The following ZBTB44 variants were observed in gnomAD, a reference collection of about 807,000 sequenced individuals.
ZBTB44 encodes the protein zinc finger and BTB domain containing 44, also known as zinc finger and BTB domain-containing protein 44.
In ZBTB44, 15 loss-of-function variants were observed where a neutral mutation model predicts 54.0. That is an observed-to-expected ratio of 0.28 (90% CI 0.19 to 0.43). ZBTB44 has a LOEUF of 0.43. Among genes scored for constraint, ZBTB44 ranks in the 20% least tolerant of loss-of-function variants. ZBTB44 has a pLI of 1.00. For synonymous variants in ZBTB44, 230 were observed against 250.1 expected (o/e 0.92, Z 0.76); for missense variants, 487 against 707.1 (o/e 0.69, Z 3.53).
intron 1 of ZBTB44, among the ~76,000 whole-genome samples, chr11:130,274,832 CTT>C (rs1425298827): frequency 6.6e-6 from 1 of 152,112 alleles, no homozygotes; most frequent in East Asian, 1.9e-4. Context: ...CTTGTGACGT[CTT>C]TGTCTGGCTT....
Position 130,243,944 on chromosome 11 carries a change from G to A in ZBTB44, c.1019-4048C>T, listed in dbSNP as rs539547984. Among the ~76,000 whole-genome samples, 243 of 152,176 alleles carry A rather than the reference G, an allele frequency of 1.6e-3. 5 individuals are homozygous for A. In the South Asian group the frequency reaches 0.034, roughly 21 times the overall value. Reference sequence around the variant, plus strand: ...AATGTAAACCTGCTCCCTGCTTAACGTGTGGGGCAACTTTTCTAAGACTTT... The same window carrying A: ...AATGTAAACCTGCTCCCTGCTTAACATGTGGGGCAACTTTTCTAAGACTTT... On this transcript the variant is annotated intron_variant, in intron 2 of 7. Transcript: ENST00000357899.
chr11:130,255,767 C>T (rs1938379713), intron 2 of ZBTB44, among the ~76,000 whole-genome samples: 1 of 151,972 alleles, frequency 6.6e-6, no homozygotes, highest in Admixed American at 6.6e-5. Context: ...ATACTATAAA[C>T]ACCTCTTCGC....
chr11:130,255,371 CA>C (rs1315093674), intron 2 of ZBTB44, among the ~76,000 whole-genome samples: 1 of 152,132 alleles, frequency 6.6e-6, no homozygotes, highest in Non-Finnish European at 1.5e-5. Flanking sequence ...AACAAAGAGA[CA>C]AGGTACCAGA....
rs1953780121 is a variant in ZBTB44 at position 130,228,967 on chromosome 11, G to C, written c.*2797C>G. The C allele has an allele frequency of 6.6e-6, 1 of 152,146 alleles. No individual in the cohort carries two copies. The highest frequency in any genetic ancestry group is 1.5e-5 in the Non-Finnish European group (1 of 68,014). The allele number at this position is 152,146 out of a possible 1,614,324, so 9.4% of individuals were successfully genotyped here. On this transcript the variant is annotated 3_prime_UTR_variant, in exon 8 of 8. Transcript: ENST00000357899. Reference sequence around the variant, plus strand: ...ACTAAAAATTTTAAAGTTAAAAAAAGTTTTGTTTTTAATCCGCAGTCCTTA... The same window carrying C: ...ACTAAAAATTTTAAAGTTAAAAAAACTTTTGTTTTTAATCCGCAGTCCTTA...
chr11:130,273,252 TTTTC>T (rs1939809633), intron 1 of ZBTB44, among the ~76,000 whole-genome samples: 1 of 152,038 alleles, frequency 6.6e-6, no homozygotes. Flanking sequence ...GAGTATGAGT[TTTTC>T]TTTGTTAAAT....
rs535432118 is a variant in ZBTB44 at position 130,307,859 on chromosome 11, G to A, written c.-57+6516C>T. Among the ~76,000 whole-genome samples, 5 of 152,236 alleles carry A rather than the reference G, an allele frequency of 3.3e-5. No individual in the cohort carries two copies. In the East Asian group the frequency reaches 9.7e-4, roughly 29 times the overall value. ...TCCTGTCTCAGCCTCCCAAGTAGCT[G>A]TGACTACAGGTGCATGCCACCACAC... On this transcript the variant is annotated intron_variant, in intron 1 of 7. Transcript: ENST00000357899.
intron 2 of ZBTB44, among the ~76,000 whole-genome samples, chr11:130,245,611 T>C (rs1463650595): frequency 6.6e-6 from 1 of 151,748 alleles, no homozygotes; most frequent in Non-Finnish European, 1.5e-5. Context: ...TGCTTCTCAC[T>C]ATCAGCTTGT....
intron 1 of ZBTB44, among the ~76,000 whole-genome samples, chr11:130,299,795 CA>C (rs1239613102): frequency 1.3e-5 from 2 of 152,160 alleles, no homozygotes; most frequent in Admixed American, 1.3e-4. Context: ...TATGATCCAG[CA>C]ATTCCATTTC....
intron 1 of ZBTB44, among the ~76,000 whole-genome samples, chr11:130,272,579 A>G (rs1373800640): frequency 6.6e-6 from 1 of 152,124 alleles, no homozygotes; most frequent in Non-Finnish European, 1.5e-5. Flanking sequence ...TGAAGCACAG[A>G]AGGTTTTAAT....
Position 130,283,336 on chromosome 11 carries a change from G to A in ZBTB44, c.-56-21407C>T, listed in dbSNP as rs549535430. On this transcript the variant is annotated intron_variant, in intron 1 of 7. Transcript: ENST00000357899. ...GCTGGGATTACAGGCATGAGCCACC[G>A]TGCCCGGCCCATTCTAACCATTTTA... is the stretch of plus-strand genomic sequence containing the variant. Among the ~76,000 whole-genome samples the A allele has an allele frequency of 2.8e-3, 430 of 152,042 alleles. 4 individuals are homozygous for A. Among genetic ancestry groups the A allele is most frequent in the African/African-American group, 9.7e-3 (403 of 41,482 alleles).
chr11:130,267,248 A>G (rs755194505), intron 1 of ZBTB44, among the ~76,000 whole-genome samples: 3 of 152,068 alleles, frequency 2.0e-5, no homozygotes, highest in Non-Finnish European at 4.4e-5. Flanking sequence ...TGGGCGACAG[A>G]GTGAGACCCT....
chr11:130,244,455 C>T (rs1954542334), intron 2 of ZBTB44, among the ~76,000 whole-genome samples: 1 of 152,034 alleles, frequency 6.6e-6, no homozygotes. Context: ...ATCACAAGGT[C>T]AGGAGATCCA....
At chr11:130,265,881 CAT>C (rs1333397478) in intron 1 of ZBTB44, among the ~76,000 whole-genome samples, 1 of 152,212 alleles carries the variant, frequency 6.6e-6, no homozygotes, top group Non-Finnish European at 1.5e-5. Context: ...ATCTCCATAA[CAT>C]AAAAGTGCAA....
rs77470790 is a variant in ZBTB44, at chr11:130,266,291, G to A, written c.-56-4362C>T. On this transcript the variant is annotated intron_variant, in intron 1 of 7. Transcript: ENST00000357899. ...GAATGTTTTAAAAGCCCACTGTTGAGGCCGACTGCTCACAAGACTGCTTTC... is the reference window on the plus strand; with the variant it reads ...GAATGTTTTAAAAGCCCACTGTTGAAGCCGACTGCTCACAAGACTGCTTTC... Among the ~76,000 whole-genome samples the A allele has an allele frequency of 5.2e-3, 792 of 152,290 alleles. 12 individuals are homozygous for A. The highest frequency in any genetic ancestry group is 0.018 in the African/African-American group (761 of 41,554).
At chr11:130,236,319 C>T in intron 5 of ZBTB44, 2 of 1,141,138 alleles carry the variant, frequency 1.8e-6, no homozygotes, top group South Asian at 3.1e-5. Context: ...CCATCACACC[C>T]ACTATAGTTG....
chr11:130,256,613 C>A (rs1193397892), intron 2 of ZBTB44, among the ~76,000 whole-genome samples: 2 of 150,466 alleles, frequency 1.3e-5, no homozygotes, highest in East Asian at 3.9e-4. Context: ...TGAGATCACA[C>A]CACTGCACTC....
intron 2 of ZBTB44, among the ~76,000 whole-genome samples, chr11:130,256,900 C>T (rs1011392307): frequency 6.6e-6 from 1 of 151,948 alleles, no homozygotes; most frequent in Non-Finnish European, 1.5e-5. Flanking sequence ...CTGGCCAGAG[C>T]AATCAGGCAA....
chr11:130,229,115 T>C lies in ZBTB44; in HGVS notation c.*2649A>G, dbSNP rs981970937. 2.0e-5 allele frequency: 3 copies of C among 152,202 alleles called. No homozygotes were observed. Among genetic ancestry groups the C allele is most frequent in the Admixed American group, 2.0e-4 (3 of 15,288 alleles). 9.4% of individuals were successfully genotyped at this position (152,202 alleles called of 1,614,324 possible). A position where few individuals can be genotyped will look rare whatever the true frequency, so the allele number is the denominator to read the frequency against. On this transcript the variant is annotated 3_prime_UTR_variant, in exon 8 of 8. Coordinates refer to ENST00000357899, the MANE Select transcript of ZBTB44 (RefSeq NM_001301098.2). ...TAGCACAAACATTTCAAAGACAATC[T>C]CAATTTTTCAGATACTGCCAAACCG...
chr11:130,298,132 C>T (rs1455240937), intron 1 of ZBTB44, among the ~76,000 whole-genome samples: 1 of 151,116 alleles, frequency 6.6e-6, no homozygotes, highest in Non-Finnish European at 1.5e-5. Context: ...AAGATAATTC[C>T]ACAATAATAA....
Sources: gnomAD v4.1 joint callset for allele counts (sites outside exome capture counted in the v4.1 genomes callset) on GRCh38, gnomAD v4.1.1 for gene constraint, MANE v1.5 for transcripts, NCBI Gene and HGNC (gene_info 2026-07-23, HGNC 2026-07-21) for gene names.